The following RBM20 variants were observed in gnomAD, a reference collection of about 807,000 sequenced individuals.
RBM20 encodes the protein RNA-binding protein 20.
A neutral mutation model predicts 110.1 loss-of-function variants in RBM20; 51 were observed. That is an observed-to-expected ratio of 0.46 (90% CI 0.37 to 0.59). The LOEUF (loss-of-function observed/expected upper bound fraction) is 0.59. RBM20 is among the 20% of genes least tolerant of loss of function. The pLI is 0.00. For synonymous variants in RBM20, 589 were observed against 618.2 expected, an observed-to-expected ratio of 0.95 and a Z score of 0.70; for missense variants, 1,512 against 1,574.9, an observed-to-expected ratio of 0.96 and a Z score of 0.68.
intron 1 of RBM20, among the ~76,000 whole-genome samples, chr10:110,759,391 T>C (rs1843965767): frequency 6.6e-6 from 1 of 152,132 alleles, no homozygotes; most frequent in Non-Finnish European, 1.5e-5. Context: ...AAATCGCTGT[T>C]TAGAGAGAAT....
intron 1 of RBM20, among the ~76,000 whole-genome samples, chr10:110,665,995 A>AAGAGAGAGAGAGAGAG (rs56329688): frequency 6.9e-6 from 1 of 145,380 alleles, no homozygotes; most frequent in African/African-American, 2.6e-5. Flanking sequence ...CAAAGAAAGA[A>AAGAGAGAGAGAGAGAG]AGAGAGAGAG....
chr10:110,783,256 C>T lies in RBM20; in HGVS notation c.1276-110C>T. The T allele has an allele frequency of 5.1e-6, 4 of 778,044 alleles. No homozygotes were observed. The Admixed American group carries it at 6.2e-5, about 12-fold the overall frequency. The allele number at this position is 778,044 out of a possible 1,614,324, so 48.2% of individuals were successfully genotyped here. A position where few individuals can be genotyped will look rare whatever the true frequency, so the allele number is the denominator to read the frequency against. On this transcript the variant is annotated intron_variant, in intron 2 of 13. Transcript: ENST00000369519. ...GAGGGATGTGTCTGCAGGGGTGGTC[C>T]AGCCTCTGGGCGCTCTGTGCTCCCT...
At chr10:110,719,182 C>T (rs1367656889) in intron 1 of RBM20, among the ~76,000 whole-genome samples, 2 of 152,264 alleles carry the variant, frequency 1.3e-5, no homozygotes, top group African/African-American at 4.8e-5. Context: ...CGGATTCAGA[C>T]TCCCACCTGC....
At chr10:110,738,525 T>C (rs1843695161) in intron 1 of RBM20, among the ~76,000 whole-genome samples, 1 of 152,278 alleles carries the variant, frequency 6.6e-6, no homozygotes, top group East Asian at 1.9e-4. Context: ...CCCCGTGGAA[T>C]GTTTCACTTT....
intron 12 of RBM20, among the ~76,000 whole-genome samples, chr10:110,824,841 G>A (rs1844963001): frequency 6.6e-6 from 1 of 152,186 alleles, no homozygotes; most frequent in South Asian, 2.1e-4. Context: ...ACCTGGGAAA[G>A]TGTCACAAGG....
chr10:110,785,903 A>T (rs1844413591), intron 5 of RBM20, among the ~76,000 whole-genome samples: 1 of 152,136 alleles, frequency 6.6e-6, no homozygotes, highest in African/African-American at 2.4e-5. Flanking sequence ...TGAAGCTTGA[A>T]CCAGAAAGTG....
In RBM20 at chr10:110,821,425, G is replaced by A; in HGVS notation, c.2806G>A (p.Asp936Asn). 6.4e-7 allele frequency: 1 copy of A among 1,551,762 alleles called. No homozygotes were observed. Among genetic ancestry groups the A allele is most frequent in the Non-Finnish European group, 8.7e-7 (1 of 1,147,022 alleles). Residue 936 changes from aspartate to asparagine, a missense_variant, in exon 11 of 14, where the codon GAC becomes AAC. By Grantham distance (23) the Asp-to-Asn change is conservative. Transcript: ENST00000369519. Reference protein sequence around the residue: ...IPELEEIVPIDQKDKICPETC... With the variant: ...IPELEEIVPINQKDKICPETC... ...AGAGCTGGAAGAAATTGTGCCCATT[G>A]ACCAGAAAGACAAAATTTGCCCAGA...
intron 1 of RBM20, among the ~76,000 whole-genome samples, chr10:110,711,147 T>G (rs1426568621): frequency 6.7e-6 from 1 of 148,676 alleles, no homozygotes; most frequent in Non-Finnish European, 1.5e-5. Flanking sequence ...CTGGCTAACA[T>G]GGTGAAATCC....
intron 5 of RBM20, among the ~76,000 whole-genome samples, chr10:110,790,010 G>C (rs1844465167): frequency 6.6e-6 from 1 of 152,202 alleles, no homozygotes; most frequent in Non-Finnish European, 1.5e-5. Context: ...TTTAGTGCCA[G>C]TGTCACAGAT....
chr10:110,831,665 A>AT (rs1473212634), intron 13 of RBM20, among the ~76,000 whole-genome samples: 56 of 129,362 alleles, frequency 4.3e-4, no homozygotes, highest in African/African-American at 1.5e-3. Context: ...GCTTGCTAGA[A>AT]TAAAAAAAAA....
intron 1 of RBM20, among the ~76,000 whole-genome samples, chr10:110,682,670 G>A (rs190527654): frequency 6.6e-6 from 1 of 152,218 alleles, no homozygotes; most frequent in Admixed American, 6.5e-5. Flanking sequence ...CCAAAGAGGG[G>A]ATGTGCCCTT....
At chr10:110,814,745 T>G (rs1229382872) in intron 9 of RBM20, among the ~76,000 whole-genome samples, 2 of 152,190 alleles carry the variant, frequency 1.3e-5, no homozygotes, top group African/African-American at 2.4e-5. Flanking sequence ...CCTCCTGCCT[T>G]GGCCTCCCAA....
At chr10:110,659,821 C>CTCCCGTTCCCCTTCCCCTTCCTCT (rs1862076606) in intron 1 of RBM20, among the ~76,000 whole-genome samples, 1 of 91,194 alleles carries the variant, frequency 1.1e-5, no homozygotes, top group Non-Finnish European at 3.2e-5. Flanking sequence ...CCTCTTCTTC[C>CTCCCGTTCCCCTTCCCCTTCCTCT]TCTTCCTCTT....
At position 110,839,244 on chromosome 10, in the gene RBM20, A is replaced by T. The variant is rs1286737574; in HGVS notation, c.*3266A>T. ...CATTCTTGGACAGTCCGAGGCTGTG[A>T]CCTGTTAGATAATTAGATTATACTT... On this transcript the variant is annotated 3_prime_UTR_variant, in exon 14 of 14. Transcript: ENST00000369519. 2.6e-5 allele frequency: 4 copies of T among 152,184 alleles called. No individual in the cohort carries two copies. The highest frequency in any genetic ancestry group is 5.9e-5 in the Non-Finnish European group (4 of 68,036). The allele number at this position is 152,184 out of a possible 1,614,324, so 9.4% of individuals were successfully genotyped here. A position where few individuals can be genotyped will look rare whatever the true frequency, so the allele number is the denominator to read the frequency against.
At chr10:110,787,568 C>T (rs1844434812) in intron 5 of RBM20, among the ~76,000 whole-genome samples, 1 of 152,234 alleles carries the variant, frequency 6.6e-6, no homozygotes, top group Non-Finnish European at 1.5e-5. Flanking sequence ...GTCACACTTG[C>T]TCCACCTTAG....
At chr10:110,788,423 C>G (rs995052136) in intron 5 of RBM20, among the ~76,000 whole-genome samples, 4 of 152,186 alleles carry the variant, frequency 2.6e-5, no homozygotes, top group African/African-American at 9.7e-5. Context: ...AGGGGAGAGT[C>G]AGCATTTGTC....
intron 1 of RBM20, among the ~76,000 whole-genome samples, chr10:110,665,355 C>G (rs980602995): frequency 1.3e-5 from 2 of 152,058 alleles, no homozygotes; most frequent in Non-Finnish European, 2.9e-5. Flanking sequence ...TTCAAACCCA[C>G]TGATCGATCT....
rs542426913 is a variant in RBM20 at position 110,724,903 on chromosome 10, T to C, written c.192-55898T>C. ...CTCAGGAACTTGACTGCTTGGGCTC[T>C]GACTGCATGCCTACCATGTGTCAGG... On this transcript the variant is annotated intron_variant, in intron 1 of 13. Transcript: ENST00000369519. Among the ~76,000 whole-genome samples, 12 of 152,310 alleles carry C rather than the reference T, an allele frequency of 7.9e-5. No homozygotes were observed. The East Asian group carries it at 2.3e-3, about 29-fold the overall frequency.
At chr10:110,769,402 C>G (rs1158165066) in intron 1 of RBM20, among the ~76,000 whole-genome samples, 2 of 152,152 alleles carry the variant, frequency 1.3e-5, no homozygotes, top group Non-Finnish European at 2.9e-5. Context: ...TACTAGTGAA[C>G]TCAGTGTAGA....
Sources: gnomAD v4.1 joint callset for allele counts (sites outside exome capture counted in the v4.1 genomes callset) on GRCh38, gnomAD v4.1.1 for gene constraint, MANE v1.5 for transcripts, NCBI Gene and HGNC (gene_info 2026-07-23, HGNC 2026-07-21) for gene names.